The following THADA variants were observed in gnomAD, a reference collection of about 807,000 sequenced individuals.
The protein encoded by THADA is THADA armadillo repeat containing, also known as tRNA (32-2'-O)-methyltransferase regulator THADA.
Under a neutral mutation model 219.8 loss-of-function variants are expected in THADA, and 213 were observed. The observed-to-expected ratio is 0.97, with a 90% confidence interval of 0.87 to 1.09. THADA has a LOEUF of 1.09. Ranked by LOEUF, THADA falls within the 50% of genes least tolerant of loss-of-function variation. The probability of loss-of-function intolerance (pLI) is 0.00; values close to 1 mark genes in which losing one functional copy is unlikely to be tolerated. For missense variants in THADA, 2,956 were observed against 2,311.3 expected, an observed-to-expected ratio of 1.28 and a Z score of -5.72; for synonymous variants, 1,018 against 828.9, an observed-to-expected ratio of 1.23 and a Z score of -3.92.
chr2:43,313,700 G>C (rs1323404220), intron 31 of THADA, among the ~76,000 whole-genome samples: 1 of 152,232 alleles, frequency 6.6e-6, no homozygotes, highest in Non-Finnish European at 1.5e-5. Flanking sequence ...ATAAAAGCCT[G>C]TGACGTGGAA....
At chr2:43,269,074 C>A (rs60554059) in intron 36 of THADA, among the ~76,000 whole-genome samples, 5 of 152,132 alleles carry the variant, frequency 3.3e-5, no homozygotes, top group Non-Finnish European at 7.4e-5. Context: ...CTGAGGAAAG[C>A]GAAAGTTCCT....
chr2:43,580,076 G>T (rs1700261180), intron 8 of THADA, among the ~76,000 whole-genome samples: 1 of 147,334 alleles, frequency 6.8e-6, no homozygotes. Context: ...CCAGGCTGGA[G>T]TGCAGTGGCA....
chr2:43,522,166 G>C (rs551251975), intron 22 of THADA, among the ~76,000 whole-genome samples: 1 of 152,058 alleles, frequency 6.6e-6, no homozygotes, highest in African/African-American at 2.4e-5. Context: ...ATGTGTGCAG[G>C]AAGGTTGTTT....
intron 22 of THADA, among the ~76,000 whole-genome samples, chr2:43,512,572 G>C (rs983950306): frequency 6.6e-6 from 1 of 152,206 alleles, no homozygotes; most frequent in African/African-American, 2.4e-5. Context: ...GCGCGATCTT[G>C]CCTCACTGCA....
intron 8 of THADA, among the ~76,000 whole-genome samples, chr2:43,581,525 C>T (rs907857607): frequency 7.6e-6 from 1 of 131,426 alleles, no homozygotes; most frequent in African/African-American, 3.0e-5. Context: ...GCCTGGGCAG[C>T]ACAGTGAGAT....
intron 30 of THADA, among the ~76,000 whole-genome samples, chr2:43,322,559 G>A (rs530017435): frequency 4.0e-5 from 6 of 150,480 alleles, no homozygotes; most frequent in Non-Finnish European, 5.9e-5. Flanking sequence ...AAGCACAAAA[G>A]GACACGCAAT....
intron 26 of THADA, among the ~76,000 whole-genome samples, chr2:43,437,437 G>C (rs1242770164): frequency 6.6e-6 from 1 of 152,184 alleles, no homozygotes; most frequent in Non-Finnish European, 1.5e-5. Flanking sequence ...GAGATGCTGG[G>C]TGGCATAGTT....
chr2:43,356,485 G>C (rs1668883711), intron 29 of THADA, among the ~76,000 whole-genome samples: 2 of 152,134 alleles, frequency 1.3e-5, no homozygotes, highest in Admixed American at 6.5e-5. Context: ...CTACTATGAA[G>C]ATTAAAAAGT....
chr2:43,310,390 G>A (rs1573013254), intron 31 of THADA, among the ~76,000 whole-genome samples: 2 of 152,114 alleles, frequency 1.3e-5, no homozygotes, highest in Admixed American at 6.5e-5. Flanking sequence ...CATAAGGATA[G>A]ATACATAGAT....
chr2:43,313,993 A>T (rs1677799291), intron 31 of THADA, among the ~76,000 whole-genome samples: 1 of 152,240 alleles, frequency 6.6e-6, no homozygotes, highest in Admixed American at 6.5e-5. Context: ...ATTAATGCAC[A>T]TAAAATGCTT....
intron 30 of THADA, among the ~76,000 whole-genome samples, chr2:43,333,773 C>T (rs1490299435): frequency 6.6e-6 from 1 of 152,166 alleles, no homozygotes; most frequent in Non-Finnish European, 1.5e-5. Flanking sequence ...AGTGAAACAG[C>T]AACTTGCAGC....
At chr2:43,369,325 TG>T (rs1410296619) in intron 29 of THADA, among the ~76,000 whole-genome samples, 2 of 152,210 alleles carry the variant, frequency 1.3e-5, no homozygotes, top group East Asian at 3.8e-4. Flanking sequence ...GTGGAACAAG[TG>T]ATAAAATGAA....
At chr2:43,270,256 T>C (rs1408036396) in intron 36 of THADA, among the ~76,000 whole-genome samples, 1 of 152,148 alleles carries the variant, frequency 6.6e-6, no homozygotes, top group African/African-American at 2.4e-5. Flanking sequence ...TTTCCACATC[T>C]GTAAGTCAGA....
chr2:43,369,959 C>A (rs183390031), intron 29 of THADA, among the ~76,000 whole-genome samples: 1 of 152,326 alleles, frequency 6.6e-6, no homozygotes, highest in Admixed American at 6.5e-5. Context: ...GTCTCCCCAA[C>A]CATGCTGTAA....
In THADA at chr2:43,590,237, C is replaced by T. The variant is rs565258999; in HGVS notation, c.302+587G>A. Among the ~76,000 whole-genome samples the T allele has an allele frequency of 3.2e-4, 48 of 151,948 alleles. 1 individual carries two copies. The highest frequency in any genetic ancestry group is 3.1e-3 in the Admixed American group (48 of 15,252). ...TGTAAATATATATTTAAACCAAGAA[C>T]AGATAGGACAAAAAGAGGAAAAAAC... On this transcript the variant is annotated intron_variant, in intron 4 of 37. Transcript: ENST00000405975.
chr2:43,575,893 G>C (rs1699808030), intron 10 of THADA, among the ~76,000 whole-genome samples: 2 of 152,076 alleles, frequency 1.3e-5, no homozygotes, highest in South Asian at 2.1e-4. Flanking sequence ...TGGGGGAATG[G>C]GGCTTCTCTG....
chr2:43,427,264 G>A (rs867305443), intron 28 of THADA, among the ~76,000 whole-genome samples: 11 of 152,164 alleles, frequency 7.2e-5, no homozygotes, highest in African/African-American at 2.7e-4. Context: ...AACCAAGCCT[G>A]CTCCGTGCTA....
In THADA at chr2:43,392,850, A is replaced by T. The variant is rs564574180; in HGVS notation, c.4227+5121T>A. ...CACAGCTCTCTTTAAGTTTGCATCAAAGGCAAACTCCTTGTGTTTTCACCA... is the reference window on the plus strand; with the variant it reads ...CACAGCTCTCTTTAAGTTTGCATCATAGGCAAACTCCTTGTGTTTTCACCA... On this transcript the variant is annotated intron_variant, in intron 29 of 37. Coordinates refer to ENST00000405975, the MANE Select transcript of THADA (RefSeq NM_022065.5). 8.1e-4 allele frequency among the ~76,000 whole-genome samples: 124 copies of T among 152,264 alleles called. 1 individual carries two copies. Among genetic ancestry groups the T allele is most frequent in the South Asian group, 8.1e-3 (39 of 4,824 alleles).
At chr2:43,582,355 G>C (rs111720289) in intron 7 of THADA, among the ~76,000 whole-genome samples, 24,994 of 151,704 alleles carry the variant, frequency 0.16, 2,648 homozygotes, top group African/African-American at 0.3. Flanking sequence ...AAATTAGCCA[G>C]GTGTGGTGGC....
Sources: gnomAD v4.1 joint callset for allele counts (sites outside exome capture counted in the v4.1 genomes callset) on GRCh38, gnomAD v4.1.1 for gene constraint, MANE v1.5 for transcripts, NCBI Gene and HGNC (gene_info 2026-07-23, HGNC 2026-07-21) for gene names.